The following RAB7A variants were observed in gnomAD, a reference collection of about 807,000 sequenced individuals.
The protein encoded by RAB7A is ras-related protein Rab-7a.
In RAB7A, 2 loss-of-function variants were observed where a neutral mutation model predicts 24.5. That is an observed-to-expected ratio of 0.08 (90% CI 0.03 to 0.26). RAB7A has a LOEUF of 0.26. Among genes scored for constraint, RAB7A ranks in the 10% least tolerant of loss-of-function variants. The pLI is 1.00. For missense variants in RAB7A, 118 were observed against 255.7 expected (o/e 0.46, Z 3.67); for synonymous variants, 100 against 95.9 (o/e 1.04, Z -0.25).
intron 5 of RAB7A, among the ~76,000 whole-genome samples, chr3:128,811,829 A>G (rs1280969077): frequency 1.3e-5 from 2 of 151,798 alleles, no homozygotes; most frequent in Admixed American, 6.6e-5. Context: ...AGCCTGGGCG[A>G]CAGAGCAAGA....
intron 5 of RAB7A, among the ~76,000 whole-genome samples, chr3:128,811,008 T>G (rs192982675): frequency 6.6e-5 from 10 of 151,890 alleles, no homozygotes; most frequent in African/African-American, 2.4e-4. Context: ...GAGCCGAGAT[T>G]GCACCATTGC....
chr3:128,810,059 C>T (rs1295287764), intron 5 of RAB7A, among the ~76,000 whole-genome samples: 1 of 149,230 alleles, frequency 6.7e-6, no homozygotes, highest in Non-Finnish European at 1.5e-5. Flanking sequence ...AGCGGTTCTC[C>T]TGCCTCAGCC....
intron 1 of RAB7A, among the ~76,000 whole-genome samples, chr3:128,743,376 A>G (rs2070575849): frequency 6.6e-6 from 1 of 152,240 alleles, no homozygotes; most frequent in Non-Finnish European, 1.5e-5. Context: ...CTCCCACAGT[A>G]CAGCAGCAGG....
intron 1 of RAB7A, among the ~76,000 whole-genome samples, chr3:128,767,801 C>CT (rs1051764507): frequency 2.0e-5 from 3 of 152,220 alleles, no homozygotes; most frequent in African/African-American, 7.2e-5. Context: ...TGCAGAGTGG[C>CT]TGCTGCTTCC....
chr3:128,737,728 G>A (rs2070504563), intron 1 of RAB7A, among the ~76,000 whole-genome samples: 1 of 147,422 alleles, frequency 6.8e-6, no homozygotes, highest in Non-Finnish European at 1.5e-5. Flanking sequence ...GCTCACCGCA[G>A]CCACGCCCTC....
At position 128,797,836 on chromosome 3, in the gene RAB7A, T is replaced by C. The variant is rs1397507030; in HGVS notation, c.54-107T>C. On this transcript the variant is annotated intron_variant, in intron 2 of 5. Coordinates refer to ENST00000265062, the MANE Select transcript of RAB7A (RefSeq NM_004637.6). The stretch of plus-strand genomic sequence containing the variant: ...CATTGCCCTTTGCTGTGAGGGCAGT[T>C]TCTTGTCCTTCAGGTCAGGCAGATT... 6.6e-6 allele frequency: 9 copies of C among 1,370,836 alleles called. No individual in the cohort carries two copies. In the East Asian group the frequency reaches 2.1e-4, roughly 32 times the overall value. The allele number at this position is 1,370,836 out of a possible 1,614,324, so 84.9% of individuals were successfully genotyped here.
intron 1 of RAB7A, among the ~76,000 whole-genome samples, chr3:128,772,559 T>TA (rs901635661): frequency 3.7e-4 from 56 of 152,360 alleles, no homozygotes; most frequent in African/African-American, 1.3e-3. Flanking sequence ...ATATGACACT[T>TA]ATTTTAAGCC....
intron 1 of RAB7A, among the ~76,000 whole-genome samples, chr3:128,762,887 C>T (rs1054149971): frequency 1.3e-5 from 2 of 152,174 alleles, no homozygotes; most frequent in East Asian, 3.8e-4. Flanking sequence ...TACCTACTTT[C>T]AACAGTTAGC....
chr3:128,763,442 C>G (rs1438936524), intron 1 of RAB7A, among the ~76,000 whole-genome samples: 1 of 151,874 alleles, frequency 6.6e-6, no homozygotes, highest in African/African-American at 2.4e-5. Context: ...TGGTCTCGAT[C>G]TCCTGATTTT....
chr3:128,778,760 A>G (rs1219518553), intron 1 of RAB7A, among the ~76,000 whole-genome samples: 7 of 152,254 alleles, frequency 4.6e-5, no homozygotes, highest in African/African-American at 1.7e-4. Flanking sequence ...AGCCAGAGGT[A>G]GGCAACCAAG....
chr3:128,749,932 A>G (rs1007400525), intron 1 of RAB7A, among the ~76,000 whole-genome samples: 2 of 152,250 alleles, frequency 1.3e-5, no homozygotes, highest in East Asian at 3.8e-4. Context: ...CTGAAAAGAT[A>G]ACCAATAATG....
chr3:128,755,570 C>G (rs1335814518), intron 1 of RAB7A, among the ~76,000 whole-genome samples: 1 of 152,144 alleles, frequency 6.6e-6, no homozygotes, highest in Non-Finnish European at 1.5e-5. Flanking sequence ...ACAAAATTGA[C>G]AATCCCTTAC....
At chr3:128,774,402 A>G (rs1272592064) in intron 1 of RAB7A, among the ~76,000 whole-genome samples, 1 of 151,036 alleles carries the variant, frequency 6.6e-6, no homozygotes, top group Admixed American at 6.6e-5. Flanking sequence ...AAAAAAGTTC[A>G]CCTTTCAACC....
chr3:128,730,355 G>T (rs1230223897), intron 1 of RAB7A, among the ~76,000 whole-genome samples: 1 of 151,432 alleles, frequency 6.6e-6, no homozygotes, highest in Admixed American at 6.6e-5. Context: ...TCAGCCTCCC[G>T]AGTAGCTGGG....
intron 1 of RAB7A, among the ~76,000 whole-genome samples, chr3:128,793,475 G>A (rs922098958): frequency 1.3e-5 from 2 of 151,976 alleles, no homozygotes; most frequent in Admixed American, 1.3e-4. Context: ...TAGTAGAGAC[G>A]GGGTTTCACC....
chr3:128,789,161 G>C (rs535435187), intron 1 of RAB7A, among the ~76,000 whole-genome samples: 7 of 152,258 alleles, frequency 4.6e-5, no homozygotes, highest in African/African-American at 1.7e-4. Context: ...TATATACATG[G>C]ATTAATGGAT....
In RAB7A at chr3:128,765,066, G is replaced by T. The variant is rs191619916; in HGVS notation, c.-8-30294G>T. 13 of 1,034,280 alleles carry T rather than the reference G, an allele frequency of 1.3e-5. No individual in the cohort carries two copies. The South Asian group carries it at 1.3e-4, about 10-fold the overall frequency. 64.1% of individuals were successfully genotyped at this position (1,034,280 alleles called of 1,614,324 possible). A position where few individuals can be genotyped will look rare whatever the true frequency, so the allele number is the denominator to read the frequency against. ...GGCGGTGGCTGCGCGGCGCTGGAGC[G>T]GCGGCGGGGGCCTTGGGATGGTCCG... On this transcript the variant is annotated intron_variant, in intron 1 of 5. Transcript: ENST00000265062.
intron 1 of RAB7A, among the ~76,000 whole-genome samples, chr3:128,783,709 TC>T (rs1388529632): frequency 6.6e-6 from 1 of 152,218 alleles, no homozygotes; most frequent in Non-Finnish European, 1.5e-5. Context: ...GCTTAGCTGC[TC>T]TCTGTACCTG....
intron 3 of RAB7A, among the ~76,000 whole-genome samples, chr3:128,804,534 ACAGT>A (rs1319908123): frequency 2.0e-5 from 3 of 152,216 alleles, no homozygotes; most frequent in South Asian, 2.1e-4. Context: ...TTTAAAAATC[ACAGT>A]CAGCCATAGG....
Sources: allele counts gnomAD v4.1 joint callset (sites outside exome capture counted in the v4.1 genomes callset), GRCh38; gene constraint gnomAD v4.1.1; transcripts MANE v1.5; gene names NCBI Gene and HGNC (gene_info 2026-07-23, HGNC 2026-07-21).